Variants in GRM4 observed in about 807,000 individuals in gnomAD.
The protein encoded by GRM4 is glutamate metabotropic receptor 4, also known as metabotropic glutamate receptor 4.
A neutral mutation model predicts 81.7 loss-of-function variants in GRM4; 28 were observed. The observed-to-expected ratio is 0.34, with a 90% CI of 0.25 to 0.47. The LOEUF (loss-of-function observed/expected upper bound fraction) is 0.47, where lower values mean the gene tolerates loss of function less well. GRM4 is among the 20% of genes least tolerant of loss of function. GRM4 has a pLI of 1.00. For synonymous variants in GRM4, 488 were observed against 528.8 expected, an observed-to-expected ratio of 0.92 and a Z score of 1.06; for missense variants, 948 against 1,290.0, an observed-to-expected ratio of 0.73 and a Z score of 4.06.
chr6:34,025,235 A>G (rs967960203), intron 10 of GRM4, among the ~76,000 whole-genome samples: 1 of 151,956 alleles, frequency 6.6e-6, no homozygotes, highest in African/African-American at 2.4e-5. Context: ...TCTATCCCCC[A>G]TGGTCAGAAA....
Position 34,020,181 on chromosome 6 carries a change from C to G in GRM4, c.*2640G>C, listed in dbSNP as rs1763820389. On this transcript the variant is annotated 3_prime_UTR_variant, in exon 11 of 11. Transcript: ENST00000538487. ...ATCTCCCCCATCACACTGGAAGCTC[C>G]CTGAGGGCAGGGCTATTTCTTCCCA... The G allele has an allele frequency of 6.6e-6, 1 of 152,314 alleles. No individual in the cohort carries two copies. The allele number at this position is 152,314 out of a possible 1,614,324, so 9.4% of individuals were successfully genotyped here. A position where few individuals can be genotyped will look rare whatever the true frequency, so the allele number is the denominator to read the frequency against.
At chr6:34,139,530 C>T (rs1770592496) in intron 1 of GRM4, among the ~76,000 whole-genome samples, 1 of 152,202 alleles carries the variant, frequency 6.6e-6, no homozygotes, top group African/African-American at 2.4e-5. Context: ...CTGATTATTA[C>T]AATTCTTGTC....
At chr6:34,102,601 T>C (rs900353013) in intron 2 of GRM4, among the ~76,000 whole-genome samples, 3 of 152,096 alleles carry the variant, frequency 2.0e-5, no homozygotes, top group Admixed American at 6.5e-5. Flanking sequence ...CTTCACCTCC[T>C]CTGCTTTGAT....
At chr6:34,145,844 C>G (rs540454076) in intron 1 of GRM4, among the ~76,000 whole-genome samples, 156 bp downstream of exon 1, 1 of 152,296 alleles carries the variant, frequency 6.6e-6, no homozygotes, top group Admixed American at 6.5e-5. Flanking sequence ...CCCCCTACCC[C>G]ACACCTCCAC....
chr6:34,083,826 A>G (rs1427267785), intron 3 of GRM4, among the ~76,000 whole-genome samples: 1 of 151,976 alleles, frequency 6.6e-6, no homozygotes, highest in Non-Finnish European at 1.5e-5. Flanking sequence ...GCTTCTACCC[A>G]CCTCAAACCC....
Position 34,059,127 on chromosome 6 carries a change from G to A in GRM4, c.874C>T (p.Arg292Cys), listed in dbSNP as rs561760325. ...IIFANEDDIR[R>C]VLEAARRANQ... The stretch of plus-strand genomic sequence containing the variant: ...GCCCTTCGTGCTGCCTCCAGCACAC[G>A]CCTGTAGGAACATACACCAGCCCAG... The change falls in exon 5 of 11, where the codon CGT becomes TGT. Residue 292 changes from arginine (R) to cysteine (C), a missense_variant and splice_region_variant. Arg to Cys is a radical substitution (Grantham distance 180). Transcript: ENST00000538487. The surrounding 1 kb of genome is among the most constrained non-coding windows in gnomAD (Gnocchi z 5.7). The A allele has an allele frequency of 1.1e-5, 18 of 1,613,104 alleles. No individual in the cohort carries two copies. Among genetic ancestry groups the A allele is most frequent in the Middle Eastern group, 3.3e-4 (2 of 6,058 alleles).
chr6:34,116,114 C>G (rs114799974), intron 2 of GRM4, among the ~76,000 whole-genome samples: 2,916 of 152,224 alleles, frequency 0.019, 30 homozygotes, highest in African/African-American at 0.04. Flanking sequence ...ATTCAACAAC[C>G]CCCGGACTAG....
chr6:34,046,443 G>C (rs769018402), intron 6 of GRM4, among the ~76,000 whole-genome samples: 28 of 152,228 alleles, frequency 1.8e-4, no homozygotes, highest in Non-Finnish European at 3.5e-4. Context: ...GAGAGCAAGG[G>C]TTTTATTGGT....
intron 2 of GRM4, among the ~76,000 whole-genome samples, chr6:34,099,436 T>G (rs1768712286): frequency 1.3e-5 from 2 of 148,514 alleles, no homozygotes; most frequent in African/African-American, 5.0e-5. Context: ...GGAGGGGAGG[T>G]GGGCGGCAGG....
rs902197 is a variant in GRM4, at chr6:34,035,069, G to T, written c.2442+599C>A. 6.6e-6 allele frequency among the ~76,000 whole-genome samples: 1 copy of T among 151,996 alleles called. No homozygotes were observed. Among genetic ancestry groups the T allele is most frequent in the Non-Finnish European group, 1.5e-5 (1 of 68,026 alleles). On this transcript the variant is annotated intron_variant, in intron 9 of 10. Transcript: ENST00000538487. The surrounding 1 kb of genome is among the most constrained non-coding windows in gnomAD (Gnocchi z 6.6). ...GCTTGGGGCTGGGGAGAGAAGGGGG[G>T]TCCCATGGGGATCTTGTGAGGGGTA...
At chr6:34,110,803 G>A in intron 2 of GRM4, 1 of 1,399,672 alleles carries the variant, frequency 7.1e-7, no homozygotes, top group Non-Finnish European at 9.3e-7. Context: ...CAGGCTGCAG[G>A]CCATCTGTCT....
chr6:34,155,307 G>C, exon 1 of GRM4: 2 of 1,530,718 alleles, frequency 1.3e-6, no homozygotes, highest in Non-Finnish European at 8.7e-7. Context: ...TACAGGGGTG[G>C]GGTGCGATGC....
chr6:34,123,635 C>T (rs1769904544), intron 2 of GRM4, among the ~76,000 whole-genome samples: 1 of 152,240 alleles, frequency 6.6e-6, no homozygotes, highest in Admixed American at 6.5e-5. Flanking sequence ...GGTCTACACG[C>T]CAGGCACTGC....
chr6:34,084,650 C>G (rs967144294), intron 3 of GRM4, among the ~76,000 whole-genome samples: 1 of 152,208 alleles, frequency 6.6e-6, no homozygotes, highest in Non-Finnish European at 1.5e-5. Flanking sequence ...TTTCAACATG[C>G]GGCATTGGCC....
In GRM4 at chr6:34,022,642, C is replaced by G; in HGVS notation, c.*179G>C. 1.6e-6 allele frequency: 1 copy of G among 618,718 alleles called. No homozygotes were observed. The allele number at this position is 618,718 out of a possible 1,614,324, so 38.3% of individuals were successfully genotyped here. A position where few individuals can be genotyped will look rare whatever the true frequency, so the allele number is the denominator to read the frequency against. On this transcript the variant is annotated 3_prime_UTR_variant, in exon 11 of 11. Transcript: ENST00000538487. The surrounding 1 kb of genome is among the most constrained non-coding windows in gnomAD (Gnocchi z 5.6). ...CGGCCCCTCGTCCTCCTGTTGCTCA[C>G]CCGGTTTGCCCAGGCTGCCAGCAGT...
At chr6:34,043,898 C>T (rs1206213037) in intron 6 of GRM4, among the ~76,000 whole-genome samples, 3 of 152,120 alleles carry the variant, frequency 2.0e-5, no homozygotes, top group Non-Finnish European at 4.4e-5. Context: ...GCTGTCACAG[C>T]AGCGTGGACT....
At chr6:34,056,295 A>T (rs1442432978) in intron 6 of GRM4, 1 of 529,488 alleles carries the variant, frequency 1.9e-6, no homozygotes, top group Non-Finnish European at 3.4e-6. Flanking sequence ...GTCCACATCA[A>T]CCCCGAGGCG....
At chr6:34,137,003 G>A (rs1425764737) in intron 1 of GRM4, among the ~76,000 whole-genome samples, 3 of 152,194 alleles carry the variant, frequency 2.0e-5, no homozygotes, top group Non-Finnish European at 1.5e-5. Flanking sequence ...CTTCTGCAGA[G>A]GGAAGAGCTG....
chr6:34,097,454 CG>C (rs775661596), intron 2 of GRM4, among the ~76,000 whole-genome samples: 5,518 of 141,746 alleles, frequency 0.039, 106 homozygotes, highest in African/African-American at 0.065. Context: ...TGTGTGTGCG[CG>C]CGCATGTGTG....
Sources: allele counts gnomAD v4.1 joint callset (sites outside exome capture counted in the v4.1 genomes callset), GRCh38; gene constraint gnomAD v4.1.1; non-coding constraint Gnocchi (gnomAD v3.1); transcripts MANE v1.5; gene names NCBI Gene and HGNC (gene_info 2026-07-23, HGNC 2026-07-21).